The following MAN1A1 variants were observed in gnomAD, a reference collection of about 807,000 sequenced individuals.
MAN1A1 encodes mannosidase alpha class 1A member 1, also known as mannosyl-oligosaccharide 1,2-alpha-mannosidase IA.
MAN1A1 carries 29 observed loss-of-function variants against 70.8 expected under a neutral mutation model. The ratio of observed to expected loss-of-function variants is 0.41; its 90% CI spans 0.31 to 0.56. The LOEUF is 0.56. Ranked by LOEUF, MAN1A1 falls within the 20% of genes least tolerant of loss-of-function variation. MAN1A1 has a pLI of 0.29. For synonymous variants in MAN1A1, 349 were observed against 330.1 expected (o/e 1.06, Z -0.62); for missense variants, 747 against 841.3 (o/e 0.89, Z 1.39).
At chr6:119,281,212 C>T (rs1393179643) in intron 5 of MAN1A1, among the ~76,000 whole-genome samples, 1 of 152,184 alleles carries the variant, frequency 6.6e-6, no homozygotes, top group Non-Finnish European at 1.5e-5. Flanking sequence ...TACTTTGGTG[C>T]CACTTTATTG....
intron 6 of MAN1A1, among the ~76,000 whole-genome samples, chr6:119,245,106 TATG>T (rs2114316074): frequency 6.6e-6 from 1 of 152,244 alleles, no homozygotes; most frequent in East Asian, 1.9e-4. Context: ...AGAGCAGAAT[TATG>T]ATATTACAGC....
chr6:119,307,570 T>G (rs1426087407), intron 2 of MAN1A1, among the ~76,000 whole-genome samples: 1 of 152,212 alleles, frequency 6.6e-6, no homozygotes, highest in Non-Finnish European at 1.5e-5. Context: ...TTTAATGTAA[T>G]CAATCTTTAA....
At chr6:119,294,630 T>C (rs943534134) in intron 4 of MAN1A1, among the ~76,000 whole-genome samples, 1 of 152,106 alleles carries the variant, frequency 6.6e-6, no homozygotes, top group Non-Finnish European at 1.5e-5. Context: ...CATGTACCTA[T>C]TAGTTAATGT....
At chr6:119,249,814 AT>A (rs1562210441) in intron 5 of MAN1A1, among the ~76,000 whole-genome samples, 1 of 151,932 alleles carries the variant, frequency 6.6e-6, no homozygotes, top group Non-Finnish European at 1.5e-5. Context: ...TTAAAAAAAA[AT>A]TTTTTTTAAA....
intron 6 of MAN1A1, among the ~76,000 whole-genome samples, chr6:119,216,591 A>G (rs1338766210): frequency 6.6e-6 from 1 of 152,206 alleles, no homozygotes; most frequent in East Asian, 1.9e-4. Context: ...ACTATCACCC[A>G]CAATTACAAG....
intron 2 of MAN1A1, among the ~76,000 whole-genome samples, chr6:119,319,387 A>C (rs2884166): frequency 0.6 from 83,249 of 139,826 alleles, 24,435 homozygotes; most frequent in African/African-American, 0.67. Context: ...TAATAATAAT[A>C]ATAATCATCA....
chr6:119,180,348 T>C lies in MAN1A1; in HGVS notation c.1799A>G (p.Asp600Gly). 2 of 1,613,814 alleles carry C rather than the reference T, an allele frequency of 1.2e-6. No individual in the cohort carries two copies. Among genetic ancestry groups the C allele is most frequent in the Non-Finnish European group, 1.7e-6 (2 of 1,179,820 alleles). ...DVYLLHESYD[D>G]VQQSFFLAET... ...TGCCAGGAAGAAACTCTGCTGCACA[T>C]CATCATAACTCTCATGAAGAAGGTA... Residue 600 changes from aspartate (D) to glycine (G), a missense_variant, in exon 12 of 13, where the codon GAT becomes GGT. Asp to Gly is a moderately conservative substitution (Grantham distance 94). This residue lies in a region of MAN1A1 where 419 missense variants were observed against 548.2 expected (regional missense o/e 0.76). Transcript: ENST00000368468.
intron 8 of MAN1A1, among the ~76,000 whole-genome samples, chr6:119,199,134 T>C (rs1773649354): frequency 6.6e-6 from 1 of 152,208 alleles, no homozygotes; most frequent in Non-Finnish European, 1.5e-5. Flanking sequence ...GAAAACCACA[T>C]TTGTTAATAT....
intron 11 of MAN1A1, among the ~76,000 whole-genome samples, chr6:119,188,091 C>G (rs1415619306): frequency 1.3e-5 from 2 of 152,116 alleles, no homozygotes; most frequent in Admixed American, 1.3e-4. Context: ...CCCAAGCTGC[C>G]AACAACCCTT....
chr6:119,313,404 T>C (rs1013538686), intron 2 of MAN1A1, among the ~76,000 whole-genome samples: 1 of 152,206 alleles, frequency 6.6e-6, no homozygotes, highest in Non-Finnish European at 1.5e-5. Context: ...CTAGCCATGA[T>C]AGTTTCCAAT....
chr6:119,350,165 G>C (rs1334299066), upstream of MAN1A1, among the ~76,000 whole-genome samples: 2 of 152,168 alleles, frequency 1.3e-5, no homozygotes, highest in East Asian at 1.9e-4. Context: ...CTCCTCCTCC[G>C]ACCCGTGCGG....
chr6:119,342,933 C>T (rs1170375548), intron 2 of MAN1A1, among the ~76,000 whole-genome samples: 2 of 152,056 alleles, frequency 1.3e-5, no homozygotes, highest in Non-Finnish European at 2.9e-5. Flanking sequence ...TCTTCTTCCC[C>T]ACTTTTCCTC....
intron 11 of MAN1A1, among the ~76,000 whole-genome samples, chr6:119,185,256 C>T (rs1012511577): frequency 2.0e-5 from 3 of 152,140 alleles, no homozygotes; most frequent in Admixed American, 2.0e-4. Flanking sequence ...GGCAGACTCA[C>T]AAGTGCTTGA....
intron 6 of MAN1A1, among the ~76,000 whole-genome samples, chr6:119,243,233 T>C (rs1211414371): frequency 1.3e-5 from 2 of 152,066 alleles, no homozygotes; most frequent in East Asian, 3.8e-4. Context: ...ATTAAATCAA[T>C]TTGATCTTAT....
intron 2 of MAN1A1, among the ~76,000 whole-genome samples, chr6:119,311,074 C>T (rs1772687510): frequency 6.6e-6 from 1 of 152,196 alleles, no homozygotes; most frequent in Non-Finnish European, 1.5e-5. Flanking sequence ...TCTCTCTGAG[C>T]CCACTTTCTG....
chr6:119,343,163 C>T (rs1184054531), intron 2 of MAN1A1, among the ~76,000 whole-genome samples: 1 of 151,322 alleles, frequency 6.6e-6, no homozygotes, highest in Non-Finnish European at 1.5e-5. Context: ...AAACCACCAA[C>T]TTAGTATAAG....
Position 119,349,558 on chromosome 6 carries a change from C to T in MAN1A1, c.-239G>A, listed in dbSNP as rs1773844975. 3.0e-6 allele frequency: 3 copies of T among 986,096 alleles called. No individual in the cohort carries two copies. Among genetic ancestry groups the T allele is most frequent in the Non-Finnish European group, 3.6e-6 (3 of 830,158 alleles). 61.1% of individuals were successfully genotyped at this position (986,096 alleles called of 1,614,324 possible). ...GCAGCGCACCTCTGGGCAGGAGGGG[C>T]GCAGCGTGGGCGGGAGACTCGTCAA... On this transcript the variant is annotated 5_prime_UTR_variant, in exon 1 of 13. Transcript: ENST00000368468.
At chr6:119,243,559 C>A (rs898697872) in intron 6 of MAN1A1, among the ~76,000 whole-genome samples, 1 of 151,976 alleles carries the variant, frequency 6.6e-6, no homozygotes, top group Non-Finnish European at 1.5e-5. Context: ...ATAAACCCAA[C>A]AAGGGGGCTA....
chr6:119,308,010 TCAC>T (rs1450248818), intron 2 of MAN1A1, among the ~76,000 whole-genome samples: 1 of 152,192 alleles, frequency 6.6e-6, no homozygotes, highest in Non-Finnish European at 1.5e-5. Flanking sequence ...CCTTCCTAAC[TCAC>T]CACTATTACT....
Sources: gnomAD v4.1 joint callset for allele counts (sites outside exome capture counted in the v4.1 genomes callset) on GRCh38, gnomAD v4.1.1 for gene constraint, gnomAD v4.1.1 regional missense constraint, MANE v1.5 for transcripts, NCBI Gene and HGNC (gene_info 2026-07-23, HGNC 2026-07-21) for gene names.